Variants in CAMSAP1 observed in about 807,000 individuals in gnomAD.
The protein encoded by CAMSAP1 is calmodulin-regulated spectrin-associated protein 1.
In CAMSAP1, 58 loss-of-function variants were observed where a neutral mutation model predicts 143.5. The ratio of observed to expected loss-of-function variants is 0.40; its 90% CI spans 0.33 to 0.50. The LOEUF (loss-of-function observed/expected upper bound fraction) is 0.50, where lower values mean the gene tolerates loss of function less well. CAMSAP1 is among the 20% of genes least tolerant of loss of function. The pLI is 0.45. For missense variants in CAMSAP1, 1,969 were observed against 2,115.7 expected (o/e 0.93, Z 1.36); for synonymous variants, 945 against 859.3 (o/e 1.10, Z -1.74).
chr9:135,825,001 T>C (rs1231038893), intron 8 of CAMSAP1, 121 bp from the exon 9 acceptor site: 2 of 777,760 alleles, frequency 2.6e-6, no homozygotes, highest in African/African-American at 3.6e-5. Context: ...ACTCGGACTG[T>C]TTGGGAAAAA....
At chr9:135,830,980 G>C (rs1023838874) in intron 7 of CAMSAP1, among the ~76,000 whole-genome samples, 4 of 152,120 alleles carry the variant, frequency 2.6e-5, no homozygotes, top group Non-Finnish European at 5.9e-5. Context: ...AGACCAGCCT[G>C]GCCAACACAC....
intron 2 of CAMSAP1, among the ~76,000 whole-genome samples, 155 bp from the exon 3 acceptor site, chr9:135,881,949 C>G (rs1218396058): frequency 6.6e-6 from 1 of 152,238 alleles, no homozygotes; most frequent in Non-Finnish European, 1.5e-5. Flanking sequence ...CCTGCCTCCC[C>G]CGCACCATCA....
rs1267363192 is a variant in CAMSAP1 at position 135,811,383 on chromosome 9, C to T, written c.4735G>A (p.Ala1579Thr). Residue 1579 changes from alanine (A) to threonine (T), a missense_variant, in exon 17 of 17, where the codon GCA (alanine) becomes ACA (threonine). Transcript: ENST00000389532. This position sits in a 1 kb window ranked among gnomAD's most constrained non-coding sequence, Gnocchi z 4.9. ...PAKTMSVSVDALTIHNHLWQP... is the reference protein window; with the variant it reads ...PAKTMSVSVDTLTIHNHLWQP... Reference sequence around the variant, plus strand: ...CACAGGTGGTTGTGGATTGTGAGTGCGTCCACACTGACAGACATGGTTTTG... The same window carrying T: ...CACAGGTGGTTGTGGATTGTGAGTGTGTCCACACTGACAGACATGGTTTTG... The T allele has an allele frequency of 3.7e-6, 6 of 1,612,714 alleles. No homozygotes were observed. The highest frequency in any genetic ancestry group is 1.3e-5 in the African/African-American group (1 of 75,010).
At chr9:135,887,214 G>C (rs551837026) in intron 1 of CAMSAP1, among the ~76,000 whole-genome samples, 2 of 152,322 alleles carry the variant, frequency 1.3e-5, no homozygotes, top group South Asian at 2.1e-4. Context: ...CAAAGAAACG[G>C]ACAAGTGAAC....
intron 10 of CAMSAP1, among the ~76,000 whole-genome samples, chr9:135,823,495 A>G (rs575039080): frequency 9.2e-5 from 14 of 152,332 alleles, no homozygotes; most frequent in Admixed American, 2.0e-4. Flanking sequence ...GAGGACCTCA[A>G]AGAGCTTTTG....
At chr9:135,839,005 T>C (rs930133229) in intron 7 of CAMSAP1, among the ~76,000 whole-genome samples, 1 of 152,108 alleles carries the variant, frequency 6.6e-6, no homozygotes, top group Non-Finnish European at 1.5e-5. Context: ...TACCCTGTTC[T>C]ATAGACACAC....
In CAMSAP1 at chr9:135,879,186, C is replaced by T. The variant is rs146046704; in HGVS notation, c.585+2447G>A. On this transcript the variant is annotated intron_variant, in intron 3 of 16. Coordinates refer to ENST00000389532, the MANE Select transcript of CAMSAP1 (RefSeq NM_015447.4). ...TAGATCATGTCCACAAATGAGGAGT[C>T]AGGAGCCGGAAATACAATGTATTTC... 3.4e-3 allele frequency among the ~76,000 whole-genome samples: 514 copies of T among 152,172 alleles called. 3 individuals carry two copies. Among genetic ancestry groups the T allele is most frequent in the Middle Eastern group, 0.014 (4 of 294 alleles).
Position 135,820,164 on chromosome 9 carries a change from A to T in CAMSAP1, c.3822+675T>A, listed in dbSNP as rs1208481911. The stretch of plus-strand genomic sequence containing the variant: ...CTGCTCCTAGACTACAGACCTGCAC[A>T]GCACATTACTGTACCCAATACTGTA... On this transcript the variant is annotated intron_variant, in intron 11 of 16. Transcript: ENST00000389532. The surrounding 1 kb of genome is among the most constrained non-coding windows in gnomAD (Gnocchi z 4.4). 2.0e-5 allele frequency among the ~76,000 whole-genome samples: 3 copies of T among 152,202 alleles called. No homozygotes were observed. The highest frequency in any genetic ancestry group is 7.2e-5 in the African/African-American group (3 of 41,454).
chr9:135,874,861 C>A (rs1023022291), intron 3 of CAMSAP1, among the ~76,000 whole-genome samples: 1 of 152,016 alleles, frequency 6.6e-6, no homozygotes. Context: ...TACGTTTCTA[C>A]GGACTAGTAA....
chr9:135,887,340 C>T (rs1177899941), intron 1 of CAMSAP1, among the ~76,000 whole-genome samples: 1 of 152,166 alleles, frequency 6.6e-6, no homozygotes, highest in Non-Finnish European at 1.5e-5. Context: ...CAGAGCCCGC[C>T]GGACTCAGCT....
intron 5 of CAMSAP1, among the ~76,000 whole-genome samples, chr9:135,860,313 C>T (rs1048933152): frequency 6.6e-6 from 1 of 151,604 alleles, no homozygotes; most frequent in Admixed American, 6.6e-5. Context: ...AAGAAGGTCC[C>T]ATGGCCAGGC....
In CAMSAP1 at chr9:135,818,334, GA is replaced by G; in HGVS notation, c.4168+73del. 1 of 1,445,590 alleles carries G rather than the reference GA, an allele frequency of 6.9e-7. No homozygotes were observed. The highest frequency in any genetic ancestry group is 9.2e-7 in the Non-Finnish European group (1 of 1,081,172). The allele number at this position is 1,445,590 out of a possible 1,614,324, so 89.5% of individuals were successfully genotyped here. ...TCACACCACTCTTGATGACAAAATTGAAATGAGCTGAAGAACGTGAGGCCGC... is the reference window on the plus strand; with the variant it reads ...TCACACCACTCTTGATGACAAAATTGAATGAGCTGAAGAACGTGAGGCCGC... On this transcript the variant is annotated intron_variant, in intron 13 of 16. Transcript: ENST00000389532. This position sits in a 1 kb window ranked among gnomAD's most constrained non-coding sequence, Gnocchi z 7.7.
At chr9:135,874,278 G>C (rs1192969615) in intron 3 of CAMSAP1, among the ~76,000 whole-genome samples, 2 of 152,164 alleles carry the variant, frequency 1.3e-5, no homozygotes, top group Non-Finnish European at 2.9e-5. Flanking sequence ...TTCAAGATCA[G>C]CCTGGGCAAC....
chr9:135,852,967 G>A (rs955486535), intron 5 of CAMSAP1, among the ~76,000 whole-genome samples: 1 of 152,314 alleles, frequency 6.6e-6, no homozygotes, highest in South Asian at 2.1e-4. Context: ...CCATCCACAC[G>A]TGGAGAGACC....
At chr9:135,901,956 T>C (rs1048321142) in intron 1 of CAMSAP1, among the ~76,000 whole-genome samples, 1 of 152,224 alleles carries the variant, frequency 6.6e-6, no homozygotes, top group Non-Finnish European at 1.5e-5. Flanking sequence ...TGTAGCCAGC[T>C]GCCCTCCCCT....
In CAMSAP1 at chr9:135,903,865, T is replaced by C. The variant is rs575092467; in HGVS notation, c.160+3135A>G. 5.3e-5 allele frequency among the ~76,000 whole-genome samples: 8 copies of C among 152,240 alleles called. No individual in the cohort carries two copies. In the South Asian group the frequency reaches 1.5e-3, roughly 28 times the overall value. ...AAATGCTGCTGGATTAGAAGAAGTG[T>C]TGGGGGGACCCACACTGTCCTACCA... On this transcript the variant is annotated intron_variant, in intron 1 of 16. Coordinates refer to ENST00000389532, the MANE Select transcript of CAMSAP1 (RefSeq NM_015447.4).
chr9:135,843,364 T>G (rs967892987), intron 7 of CAMSAP1, among the ~76,000 whole-genome samples: 2 of 151,958 alleles, frequency 1.3e-5, no homozygotes, highest in African/African-American at 4.8e-5. Context: ...GCAAATTGGA[T>G]AAAGAGTCAA....
chr9:135,891,168 A>G (rs1231642787), intron 1 of CAMSAP1, among the ~76,000 whole-genome samples: 1 of 152,152 alleles, frequency 6.6e-6, no homozygotes, highest in Non-Finnish European at 1.5e-5. Context: ...TACAAGCTGG[A>G]GGGGGAATCC....
intron 7 of CAMSAP1, among the ~76,000 whole-genome samples, chr9:135,830,216 A>C (rs973583362): frequency 6.6e-6 from 1 of 152,232 alleles, no homozygotes; most frequent in Non-Finnish European, 1.5e-5. Flanking sequence ...CTTTCCTATC[A>C]ATAATTACTT....
Sources: gnomAD v4.1 joint callset for allele counts (sites outside exome capture counted in the v4.1 genomes callset) on GRCh38, gnomAD v4.1.1 for gene constraint, Gnocchi (gnomAD v3.1) non-coding constraint, MANE v1.5 for transcripts, NCBI Gene and HGNC (gene_info 2026-07-23, HGNC 2026-07-21) for gene names.